The following FAT2 variants were observed in gnomAD, a reference collection of about 807,000 sequenced individuals.
The protein encoded by FAT2 is protocadherin Fat 2.
Under a neutral mutation model 295.3 loss-of-function variants are expected in FAT2, and 150 were observed. That is an observed-to-expected ratio of 0.51 (90% CI 0.44 to 0.58). The LOEUF (loss-of-function observed/expected upper bound fraction) is 0.58, where lower values mean the gene tolerates loss of function less well. Among genes scored for constraint, FAT2 ranks in the 20% least tolerant of loss-of-function variants. FAT2 has a pLI of 0.00. For synonymous variants in FAT2, 2,026 were observed against 2,150.3 expected, an observed-to-expected ratio of 0.94 and a Z score of 1.60; for missense variants, 4,868 against 5,442.7, an observed-to-expected ratio of 0.89 and a Z score of 3.32.
chr5:151,509,227 A>T (rs1002608914), intron 22 of FAT2, among the ~76,000 whole-genome samples: 2 of 152,202 alleles, frequency 1.3e-5, no homozygotes, highest in African/African-American at 4.8e-5. Context: ...CAAGGACCAG[A>T]ACTACCTGAG....
At chr5:151,530,241 C>T (rs1424512035) in intron 14 of FAT2, among the ~76,000 whole-genome samples, 1 of 146,488 alleles carries the variant, frequency 6.8e-6, no homozygotes, top group Non-Finnish European at 1.5e-5. Flanking sequence ...TACCATCTAT[C>T]TTAACACCAG....
chr5:151,552,554 T>C (rs1463270207), intron 6 of FAT2, among the ~76,000 whole-genome samples: 1 of 152,202 alleles, frequency 6.6e-6, no homozygotes, highest in East Asian at 1.9e-4. Context: ...CTCTAAATTG[T>C]ATGCAGATTT....
intron 22 of FAT2, 23 bp downstream of exon 22, chr5:151,509,998 C>T (rs1410689621): frequency 6.2e-7 from 1 of 1,610,300 alleles, no homozygotes; most frequent in Non-Finnish European, 8.5e-7. Context: ...GAGCCCATGG[C>T]AGGTGGCCTC....
intron 1 of FAT2, among the ~76,000 whole-genome samples, chr5:151,587,311 C>A (rs933330802): frequency 1.1e-4 from 17 of 152,012 alleles, no homozygotes; most frequent in African/African-American, 4.1e-4. Flanking sequence ...AAATGACATG[C>A]TCCTTGGCCT....
chr5:151,521,804 G>C lies in FAT2; in HGVS notation c.10789C>G (p.His3597Asp). 6.2e-7 allele frequency: 1 copy of C among 1,614,180 alleles called. No homozygotes were observed. The highest frequency in any genetic ancestry group is 8.5e-7 in the Non-Finnish European group (1 of 1,180,040). The change falls in exon 19 of 24, where the codon CAC (histidine) becomes GAC (aspartate). Residue 3597 changes from histidine (H) to aspartate (D), a missense_variant. Physicochemically the swap from His to Asp is moderately conservative, Grantham distance 81. Coordinates refer to ENST00000261800, the MANE Select transcript of FAT2 (RefSeq NM_001447.3). The stretch of plus-strand genomic sequence containing the variant: ...CTGACCGTGACGTTGAACGAGTAGT[G>C]GCCACGAGGCAGGCCCTGGGCGGCG... ...IIAAQGLPRG[H>D]YSFNVTVSDG...
chr5:151,547,674 T>C (rs989639032), intron 9 of FAT2, among the ~76,000 whole-genome samples: 1 of 152,182 alleles, frequency 6.6e-6, no homozygotes, highest in African/African-American at 2.4e-5. Flanking sequence ...TGAGTAGCCG[T>C]TTTAAAGTGA....
In FAT2 at chr5:151,529,369, G is replaced by C. The variant is rs1363769217; in HGVS notation, c.9835C>G (p.Leu3279Val). The C allele has an allele frequency of 1.1e-5, 17 of 1,613,902 alleles. No individual in the cohort carries two copies. Among genetic ancestry groups the C allele is most frequent in the Non-Finnish European group, 1.4e-5 (17 of 1,179,992 alleles). Reference protein sequence around the residue: ...RTGILYVNASLDFETSPKYFL... With the variant: ...RTGILYVNASVDFETSPKYFL... ...TACTTGGGGCTTGTCTCAAAGTCCAGGCTTGCGTTGACATACAGGATCCCT... is the reference window on the plus strand; with the variant it reads ...TACTTGGGGCTTGTCTCAAAGTCCACGCTTGCGTTGACATACAGGATCCCT... Residue 3279 changes from leucine to valine, a missense_variant, in exon 15 of 24, where the codon CTG (leucine) becomes GTG (valine). By Grantham distance (32) the Leu-to-Val change is conservative. Transcript: ENST00000261800.
intron 20 of FAT2, 37 bp downstream of exon 20, chr5:151,517,583 C>T (rs1322085630): frequency 1.2e-6 from 2 of 1,612,040 alleles, no homozygotes; most frequent in Admixed American, 1.7e-5. Flanking sequence ...CAGCCTGGGA[C>T]ACCCACATGA....
At position 151,531,923 on chromosome 5, in the gene FAT2, G is replaced by A. The variant is rs2127591898; in HGVS notation, c.9475C>T (p.His3159Tyr). ...VYSLPDSAEGHFSIDATTGVI... is the reference protein window; with the variant it reads ...VYSLPDSAEGYFSIDATTGVI... ...CCCGTGGTGGCGTCGATGGAAAAGT[G>A]GCCTTCGGCTGAATCCGGCAGAGAG... is the stretch of plus-strand genomic sequence containing the variant. The change falls in exon 14 of 24, where the codon CAC becomes TAC. Residue 3159 changes from histidine to tyrosine, a missense_variant. Transcript: ENST00000261800. The surrounding 1 kb of genome is among the most constrained non-coding windows in gnomAD (Gnocchi z 5.7). 1.2e-6 allele frequency: 2 copies of A among 1,614,234 alleles called. No homozygotes were observed. The highest frequency in any genetic ancestry group is 1.7e-6 in the Non-Finnish European group (2 of 1,180,040).
At position 151,542,501 on chromosome 5, in the gene FAT2, C is replaced by G. The variant is rs750050198; in HGVS notation, c.8626G>C (p.Val2876Leu). Residue 2876 changes from valine to leucine, a missense_variant, in exon 10 of 24, where the codon GTG becomes CTG. Around this residue, in one of 5 missense-constraint regions of FAT2, gnomAD observed 3,297 missense variants for 3,669.4 expected, o/e 0.90. Coordinates refer to ENST00000261800, the MANE Select transcript of FAT2 (RefSeq NM_001447.3). The stretch of plus-strand genomic sequence containing the variant: ...ATGGTCTGTCCGTGGTCATAGGCCA[C>G]CACATGAAAATGATAAGTCTGGCAG... ...ETCQTYHFHV[V>L]AYDHGQTIQL... 1 of 1,614,042 alleles carries G rather than the reference C, an allele frequency of 6.2e-7. No homozygotes were observed. Among genetic ancestry groups the G allele is most frequent in the Non-Finnish European group, 8.5e-7 (1 of 1,180,040 alleles).
At chr5:151,559,353 G>T (rs1259605620) in intron 3 of FAT2, among the ~76,000 whole-genome samples, 3 of 152,164 alleles carry the variant, frequency 2.0e-5, no homozygotes. Context: ...CAAGTGGAAG[G>T]AAAGACACAC....
intron 11 of FAT2, among the ~76,000 whole-genome samples, chr5:151,538,269 A>G (rs1327306908): frequency 6.6e-6 from 1 of 152,236 alleles, no homozygotes; most frequent in East Asian, 1.9e-4. Flanking sequence ...CAGGGCTAGA[A>G]GGGACTGCTA....
chr5:151,540,684 G>A lies in FAT2; in HGVS notation c.8922C>T (p.Arg2974=), dbSNP rs111242057. Reference sequence around the variant, plus strand: ...TGAGCAAGTACTTGGCTGTATGCTCGCGGTCCAGGGTCTTCCTTGAGGAAA... The same window carrying A: ...TGAGCAAGTACTTGGCTGTATGCTCACGGTCCAGGGTCTTCCTTGAGGAAA... The part of the protein sequence containing the change: ...WRISSRKTLD[R]EHTAKYLLRV... Residue 2974 remains arginine (R), a synonymous_variant, in exon 11 of 24, where the codon CGC becomes CGT. Coordinates refer to ENST00000261800, the MANE Select transcript of FAT2 (RefSeq NM_001447.3). 52 of 1,614,204 alleles carry A rather than the reference G, an allele frequency of 3.2e-5. No homozygotes were observed. The highest frequency in any genetic ancestry group is 1.7e-4 in the African/African-American group (13 of 75,046).
intron 3 of FAT2, 36 bp from the exon 4 acceptor site, chr5:151,556,438 A>G (rs2127634898): frequency 6.5e-7 from 1 of 1,545,682 alleles, no homozygotes. Context: ...ACATGAGCAG[A>G]AGACTTTCAG....
chr5:151,594,212 G>A (rs939579520), upstream of FAT2, among the ~76,000 whole-genome samples: 1 of 152,182 alleles, frequency 6.6e-6, no homozygotes, highest in South Asian at 2.1e-4. Flanking sequence ...TCTGTCTGAA[G>A]CCCTTAACCC....
chr5:151,529,543 T>G (rs1754368209), intron 14 of FAT2, 151 bp from the exon 15 acceptor site: 1 of 630,964 alleles, frequency 1.6e-6, no homozygotes, highest in South Asian at 1.9e-5. Flanking sequence ...CTCCCTTTGC[T>G]ATCCCCTTGA....
intron 1 of FAT2, among the ~76,000 whole-genome samples, chr5:151,582,067 G>T (rs1204131175): frequency 6.6e-6 from 1 of 152,244 alleles, no homozygotes; most frequent in Admixed American, 6.5e-5. Context: ...AGTGGGGCAA[G>T]ACAGGCTTTC....
chr5:151,512,761 C>T lies in FAT2; in HGVS notation c.11464-155G>A. ...ATGGCATTTGCAGAGCATAAAAACCCTCAAAGTGCTTTTGTGTTGATGGTC... is the reference window on the plus strand; with the variant it reads ...ATGGCATTTGCAGAGCATAAAAACCTTCAAAGTGCTTTTGTGTTGATGGTC... On this transcript the variant is annotated intron_variant, in intron 20 of 23. Transcript: ENST00000261800. This position sits in a 1 kb window ranked among gnomAD's most constrained non-coding sequence, Gnocchi z 4.1. 2.9e-6 allele frequency: 2 copies of T among 679,154 alleles called. No homozygotes were observed. The highest frequency in any genetic ancestry group is 2.9e-5 in the Admixed American group (1 of 34,352). The allele number at this position is 679,154 out of a possible 1,614,324, so 42.1% of individuals were successfully genotyped here. A position where few individuals can be genotyped will look rare whatever the true frequency, so the allele number is the denominator to read the frequency against.
At chr5:151,564,376 A>G (rs1371654825) in intron 2 of FAT2, among the ~76,000 whole-genome samples, 1 of 152,238 alleles carries the variant, frequency 6.6e-6, no homozygotes. Context: ...AAGTATGTGG[A>G]AGAACTGGGT....
Sources: allele counts gnomAD v4.1 joint callset (sites outside exome capture counted in the v4.1 genomes callset), GRCh38; gene constraint gnomAD v4.1.1; regional missense constraint gnomAD v4.1.1; non-coding constraint Gnocchi (gnomAD v3.1); transcripts MANE v1.5; gene names NCBI Gene and HGNC (gene_info 2026-07-23, HGNC 2026-07-21).